The following MTHFD1L variants were observed in gnomAD, a reference collection of about 807,000 sequenced individuals.
MTHFD1L encodes monofunctional C1-tetrahydrofolate synthase, mitochondrial.
A neutral mutation model predicts 119.5 loss-of-function variants in MTHFD1L; 81 were observed. That is an observed-to-expected ratio of 0.68 (90% CI 0.57 to 0.82). The LOEUF is 0.82. Among genes scored for constraint, MTHFD1L ranks in the 40% least tolerant of loss-of-function variants. The pLI is 0.00. For missense variants in MTHFD1L, 1,125 were observed against 1,253.4 expected, an observed-to-expected ratio of 0.90 and a Z score of 1.55; for synonymous variants, 430 against 475.2, an observed-to-expected ratio of 0.90 and a Z score of 1.24.
At chr6:151,032,079 G>A (rs1785406383) in intron 24 of MTHFD1L, among the ~76,000 whole-genome samples, 1 of 152,178 alleles carries the variant, frequency 6.6e-6, no homozygotes. Flanking sequence ...ATGATTGATA[G>A]CTAGTAGAAA....
intron 7 of MTHFD1L, among the ~76,000 whole-genome samples, chr6:150,899,638 A>G (rs1346844762): frequency 6.6e-6 from 1 of 152,182 alleles, no homozygotes; most frequent in Non-Finnish European, 1.5e-5. Context: ...ATCAATGTTC[A>G]TTTAATTTCA....
At chr6:150,909,082 T>G (rs191557743) in intron 8 of MTHFD1L, among the ~76,000 whole-genome samples, 1 of 152,128 alleles carries the variant, frequency 6.6e-6, no homozygotes. Context: ...GTAGAGACAT[T>G]TTATGGAATA....
intron 17 of MTHFD1L, among the ~76,000 whole-genome samples, 189 bp from the exon 18 acceptor site, chr6:150,960,086 C>G (rs1029727377): frequency 1.3e-5 from 2 of 152,162 alleles, no homozygotes; most frequent in African/African-American, 4.8e-5. Flanking sequence ...GGAGGCCACC[C>G]TAGGGAGCAC....
At chr6:151,005,576 T>A (rs1258761288) in intron 20 of MTHFD1L, among the ~76,000 whole-genome samples, 1 of 152,162 alleles carries the variant, frequency 6.6e-6, no homozygotes, top group Non-Finnish European at 1.5e-5. Flanking sequence ...TGTTTCCAAT[T>A]GGTCTCTTTT....
chr6:151,064,437 C>T (rs1407081230), intron 26 of MTHFD1L, among the ~76,000 whole-genome samples: 1 of 152,018 alleles, frequency 6.6e-6, no homozygotes, highest in African/African-American at 2.4e-5. Context: ...CCTCAGCCTC[C>T]CGAGTATCTG....
chr6:151,049,778 T>A (rs1788730510), intron 26 of MTHFD1L, among the ~76,000 whole-genome samples: 1 of 152,172 alleles, frequency 6.6e-6, no homozygotes, highest in Non-Finnish European at 1.5e-5. Flanking sequence ...ATGATATATA[T>A]TGATTTTCGT....
At chr6:150,949,498 C>T (rs1395153526) in intron 16 of MTHFD1L, among the ~76,000 whole-genome samples, 1 of 152,120 alleles carries the variant, frequency 6.6e-6, no homozygotes, top group Non-Finnish European at 1.5e-5. Flanking sequence ...TCCTGCTCCT[C>T]CTCCACCCAC....
intron 7 of MTHFD1L, among the ~76,000 whole-genome samples, chr6:150,893,842 C>G (rs183545342): frequency 8.4e-4 from 128 of 152,324 alleles, no homozygotes; most frequent in African/African-American, 2.9e-3. Context: ...TGGGGACACA[C>G]AGCTCTGGGC....
chr6:151,009,683 G>A lies in MTHFD1L; in HGVS notation c.2126-136G>A, dbSNP rs184470408. On this transcript the variant is annotated intron_variant, in intron 20 of 27. Transcript: ENST00000367321. ...GTGAAGAACATTTCTATGACAATGG[G>A]GAAATCAGTTCACCTTTGTGTTGGT... The A allele has an allele frequency of 1.1e-5, 11 of 1,017,862 alleles. No homozygotes were observed. The Admixed American group carries it at 2.2e-4, about 20-fold the overall frequency. The allele number at this position is 1,017,862 out of a possible 1,614,324, so 63.1% of individuals were successfully genotyped here.
intron 20 of MTHFD1L, among the ~76,000 whole-genome samples, chr6:150,975,083 A>G (rs934428760): frequency 6.6e-6 from 1 of 152,178 alleles, no homozygotes; most frequent in African/African-American, 2.4e-5. Context: ...CATCGTATGG[A>G]TAGACCATAC....
chr6:150,938,509 C>T (rs1055750082), intron 12 of MTHFD1L, among the ~76,000 whole-genome samples, 190 bp from the exon 13 acceptor site: 1 of 151,774 alleles, frequency 6.6e-6, no homozygotes. Context: ...TATAGTTAGA[C>T]AAAGTGTCAA....
Sources: allele counts gnomAD v4.1 joint callset (sites outside exome capture counted in the v4.1 genomes callset), GRCh38; gene constraint gnomAD v4.1.1; transcripts MANE v1.5; gene names NCBI Gene and HGNC (gene_info 2026-07-23, HGNC 2026-07-21).